Variants in ZNF821 observed in about 807,000 individuals in gnomAD.
ZNF821 encodes the protein zinc finger protein 821.
A neutral mutation model predicts 44.3 loss-of-function variants in ZNF821; 16 were observed. The ratio of observed to expected loss-of-function variants is 0.36; its 90% CI spans 0.24 to 0.55. ZNF821 has a LOEUF of 0.55. Among genes scored for constraint, ZNF821 ranks in the 20% least tolerant of loss-of-function variants. The probability of loss-of-function intolerance (pLI) is 0.86; values close to 1 mark genes in which losing one functional copy is unlikely to be tolerated. For missense variants in ZNF821, 436 were observed against 547.6 expected, an observed-to-expected ratio of 0.80 and a Z score of 2.03; for synonymous variants, 204 against 197.6, an observed-to-expected ratio of 1.03 and a Z score of -0.27.
upstream of ZNF821, among the ~76,000 whole-genome samples, chr16:71,888,166 T>A (rs1011718283): frequency 2.0e-5 from 3 of 152,132 alleles, no homozygotes; most frequent in African/African-American, 7.2e-5. Flanking sequence ...CATGAACCAC[T>A]GCGCCTGGCC....
At chr16:71,871,409 AAAGAT>A in intron 3 of ZNF821, among the ~76,000 whole-genome samples, 1 of 152,354 alleles carries the variant, frequency 6.6e-6, no homozygotes, top group East Asian at 1.9e-4. Context: ...CCTCATAAGA[AAAGAT>A]ATGTGAATTA....
intron 2 of ZNF821, among the ~76,000 whole-genome samples, chr16:71,882,475 A>G (rs2036528904): frequency 6.6e-6 from 1 of 152,152 alleles, no homozygotes; most frequent in African/African-American, 2.4e-5. Context: ...AAGGCCAAAT[A>G]ATTTGAACCA....
chr16:71,891,820 C>G (rs1474375695), intron 1 of ZNF821, among the ~76,000 whole-genome samples: 1 of 151,766 alleles, frequency 6.6e-6, no homozygotes, highest in African/African-American at 2.4e-5. Flanking sequence ...CTAGCCTGAC[C>G]AACACGGTGA....
Position 71,864,902 on chromosome 16 carries a change from C to T in ZNF821, c.312+1G>A. Reference sequence around the variant, plus strand: ...TGGACCCAGGGGCCATCGTCACTTGCCTCGTGCTCTACCACTTCGTTCCCA... The same window carrying T: ...TGGACCCAGGGGCCATCGTCACTTGTCTCGTGCTCTACCACTTCGTTCCCA... On this transcript the variant is annotated splice_donor_variant, in intron 5 of 7. Coordinates refer to ENST00000425432, the MANE Select transcript of ZNF821 (RefSeq NM_001201552.2). LOFTEE classifies it high-confidence loss of function. The T allele has an allele frequency of 6.2e-7, 1 of 1,614,114 alleles. No individual in the cohort carries two copies. The highest frequency in any genetic ancestry group is 1.1e-5 in the South Asian group (1 of 91,080).
At chr16:71,866,770 C>T (rs992043408) in intron 4 of ZNF821, among the ~76,000 whole-genome samples, 1 of 152,042 alleles carries the variant, frequency 6.6e-6, no homozygotes, top group African/African-American at 2.4e-5. Context: ...TTTTTTTGTG[C>T]CCGAGCAATT....
chr16:71,885,978 G>A (rs562212815), upstream of ZNF821, among the ~76,000 whole-genome samples: 1 of 152,162 alleles, frequency 6.6e-6, no homozygotes, highest in Non-Finnish European at 1.5e-5. Context: ...AGGGATACAA[G>A]TATGGCTTTA....
chr16:71,879,776 A>G, intron 3 of ZNF821, 131 bp downstream of exon 3: 2 of 872,360 alleles, frequency 2.3e-6, no homozygotes, highest in Non-Finnish European at 3.5e-6. Context: ...TCTTCTGCTC[A>G]GCAAACTGTG....
chr16:71,871,605 A>G (rs928926812), intron 3 of ZNF821, among the ~76,000 whole-genome samples: 1 of 152,194 alleles, frequency 6.6e-6, no homozygotes, highest in Non-Finnish European at 1.5e-5. Context: ...TTATAATATT[A>G]GAATTATTAT....
chr16:71,874,328 A>T (rs2035571644), intron 3 of ZNF821, among the ~76,000 whole-genome samples: 1 of 152,274 alleles, frequency 6.6e-6, no homozygotes, highest in South Asian at 2.1e-4. Flanking sequence ...TCGTCTTCCC[A>T]GAAGGCAGAT....
chr16:71,874,192 C>G (rs1348011718), intron 3 of ZNF821, among the ~76,000 whole-genome samples: 1 of 151,508 alleles, frequency 6.6e-6, no homozygotes, highest in Non-Finnish European at 1.5e-5. Flanking sequence ...GAACTCCTGA[C>G]CTCAGGTGAT....
chr16:71,871,824 T>C (rs575477540), intron 3 of ZNF821, among the ~76,000 whole-genome samples: 57 of 152,198 alleles, frequency 3.7e-4, no homozygotes, highest in African/African-American at 1.3e-3. Context: ...GTCTGCAATT[T>C]GGCTAAGGTT....
chr16:71,893,777 T>C (rs1035633661), intron 1 of ZNF821, among the ~76,000 whole-genome samples: 2 of 151,732 alleles, frequency 1.3e-5, no homozygotes, highest in Non-Finnish European at 2.9e-5. Flanking sequence ...CTGCACTTTT[T>C]TTTTTTTTGG....
intron 3 of ZNF821, among the ~76,000 whole-genome samples, chr16:71,874,219 C>T (rs2142423498): frequency 6.6e-6 from 1 of 152,142 alleles, no homozygotes; most frequent in South Asian, 2.1e-4. Flanking sequence ...GCCTCGGCCT[C>T]CCAAAGTGCT....
At chr16:71,870,705 C>T (rs918604249) in intron 3 of ZNF821, among the ~76,000 whole-genome samples, 3 of 152,108 alleles carry the variant, frequency 2.0e-5, no homozygotes, top group African/African-American at 7.2e-5. Context: ...GTCTTGAACT[C>T]CTGACCTCAA....
chr16:71,887,311 G>C (rs1423136361), upstream of ZNF821, among the ~76,000 whole-genome samples: 1 of 145,524 alleles, frequency 6.9e-6, no homozygotes, highest in African/African-American at 2.6e-5. Context: ...CCAGGCTGGA[G>C]TGCAGTGGCG....
chr16:71,866,030 G>C (rs1298907940), intron 4 of ZNF821, among the ~76,000 whole-genome samples: 1 of 152,124 alleles, frequency 6.6e-6, no homozygotes, highest in African/African-American at 2.4e-5. Flanking sequence ...AAAAAATAAA[G>C]TGCTAGTACC....
intron 3 of ZNF821, among the ~76,000 whole-genome samples, chr16:71,876,501 C>T (rs2035833705): frequency 2.0e-5 from 3 of 152,116 alleles, no homozygotes; most frequent in South Asian, 2.1e-4. Context: ...CACCTGTGCC[C>T]GGCCACTTGT....
At chr16:71,869,407 A>G (rs2034927872) in intron 3 of ZNF821, among the ~76,000 whole-genome samples, 1 of 152,178 alleles carries the variant, frequency 6.6e-6, no homozygotes, top group Non-Finnish European at 1.5e-5. Flanking sequence ...CCCCTTAGTC[A>G]TTCATTCAGC....
At chr16:71,882,636 G>C (rs1029419750) in intron 2 of ZNF821, among the ~76,000 whole-genome samples, 1 of 152,156 alleles carries the variant, frequency 6.6e-6, no homozygotes, top group Non-Finnish European at 1.5e-5. Flanking sequence ...ACACCTGAGT[G>C]ATCAAGAGAA....
Sources: allele counts gnomAD v4.1 joint callset (sites outside exome capture counted in the v4.1 genomes callset), GRCh38; gene constraint gnomAD v4.1.1; transcripts MANE v1.5; gene names NCBI Gene and HGNC (gene_info 2026-07-23, HGNC 2026-07-21).